Variants in GRIP1 observed in about 807,000 individuals in gnomAD.
GRIP1 encodes glutamate receptor interacting protein 1, also known as glutamate receptor-interacting protein 1.
GRIP1 carries 45 observed loss-of-function variants against 129.9 expected under a neutral mutation model. The ratio of observed to expected loss-of-function variants is 0.35; its 90% CI spans 0.27 to 0.44. The LOEUF (loss-of-function observed/expected upper bound fraction) is 0.44. Among genes scored for constraint, GRIP1 ranks in the 20% least tolerant of loss-of-function variants. The pLI, the probability that GRIP1 is intolerant of heterozygous loss-of-function variation, is 1.00. For missense variants in GRIP1, 1,196 were observed against 1,396.8 expected, an observed-to-expected ratio of 0.86 and a Z score of 2.29; for synonymous variants, 530 against 520.8, an observed-to-expected ratio of 1.02 and a Z score of -0.24.
intron 1 of GRIP1, among the ~76,000 whole-genome samples, chr12:66,714,668 G>A (rs543560940): frequency 6.6e-6 from 1 of 152,020 alleles, no homozygotes; most frequent in East Asian, 1.9e-4. Flanking sequence ...TCTTCAGTAT[G>A]CTACAAGAAA....
intron 1 of GRIP1, among the ~76,000 whole-genome samples, chr12:66,949,717 C>T (rs1489904422): frequency 6.8e-6 from 1 of 147,684 alleles, no homozygotes; most frequent in Non-Finnish European, 1.5e-5. Flanking sequence ...CAAAAGTTGA[C>T]TATAAATCTA....
intron 1 of GRIP1, among the ~76,000 whole-genome samples, chr12:66,980,056 T>G (rs1244485375): frequency 2.0e-5 from 3 of 152,174 alleles, no homozygotes; most frequent in African/African-American, 7.2e-5. Context: ...GTGAGGCTTC[T>G]GCAGCACCCC....
intron 1 of GRIP1, among the ~76,000 whole-genome samples, chr12:66,754,664 C>T (rs995323802): frequency 1.3e-5 from 2 of 152,150 alleles, no homozygotes; most frequent in Non-Finnish European, 2.9e-5. Context: ...AGAGCTGATA[C>T]CATTATTCCA....
At chr12:66,749,017 C>A (rs1002324066) in intron 1 of GRIP1, among the ~76,000 whole-genome samples, 1 of 152,148 alleles carries the variant, frequency 6.6e-6, no homozygotes, top group African/African-American at 2.4e-5. Context: ...ACTTAATAAA[C>A]ATTTGTTGAG....
At chr12:66,898,117 G>A (rs1249375822) in intron 1 of GRIP1, among the ~76,000 whole-genome samples, 1 of 152,128 alleles carries the variant, frequency 6.6e-6, no homozygotes, top group Non-Finnish European at 1.5e-5. Context: ...CAAAGTGGAG[G>A]AATTTTTAAG....
At chr12:66,869,528 A>G (rs1750220787) in intron 1 of GRIP1, among the ~76,000 whole-genome samples, 1 of 152,172 alleles carries the variant, frequency 6.6e-6, no homozygotes, top group African/African-American at 2.4e-5. Context: ...AACATGTTTA[A>G]CATGTAAATA....
At chr12:66,473,216 T>C (rs2059492734) in intron 7 of GRIP1, among the ~76,000 whole-genome samples, 1 of 152,108 alleles carries the variant, frequency 6.6e-6, no homozygotes, top group Non-Finnish European at 1.5e-5. Context: ...ACTGGGAGGT[T>C]TGAACTGGGC....
rs577537994 is a variant in GRIP1, at chr12:66,446,437, C to T, written c.1355-929G>A. 2.0e-3 allele frequency among the ~76,000 whole-genome samples: 297 copies of T among 152,188 alleles called. 1 individual carries two copies. The highest frequency in any genetic ancestry group is 3.4e-3 in the Middle Eastern group (1 of 294). Reference sequence around the variant, plus strand: ...CCCCTTTAACTAAAACCTGATAACACCATATACCTCATAACCCTCTTCAAA... The same window carrying T: ...CCCCTTTAACTAAAACCTGATAACATCATATACCTCATAACCCTCTTCAAA... On this transcript the variant is annotated intron_variant, in intron 11 of 24. Coordinates refer to ENST00000359742, the MANE Select transcript of GRIP1 (RefSeq NM_001366722.1).
At chr12:66,605,955 T>C (rs956278151) in intron 1 of GRIP1, among the ~76,000 whole-genome samples, 4 of 152,148 alleles carry the variant, frequency 2.6e-5, no homozygotes, top group African/African-American at 9.7e-5. Flanking sequence ...TTGAGTAACA[T>C]TTTGGAGCTA....
intron 1 of GRIP1, among the ~76,000 whole-genome samples, chr12:66,795,800 A>C (rs372511621): frequency 6.6e-6 from 1 of 152,186 alleles, no homozygotes; most frequent in Non-Finnish European, 1.5e-5. Flanking sequence ...TTTCTTTGAC[A>C]TATAATCTTT....
intron 7 of GRIP1, among the ~76,000 whole-genome samples, chr12:66,478,719 G>A (rs868215536): frequency 2.1e-4 from 32 of 152,160 alleles, no homozygotes; most frequent in African/African-American, 6.7e-4. Context: ...ATGAGTTCAT[G>A]TCCTTTGTAG....
chr12:66,989,983 G>C (rs2042370144), intron 1 of GRIP1, among the ~76,000 whole-genome samples: 1 of 152,150 alleles, frequency 6.6e-6, no homozygotes. Context: ...AGATTTCACA[G>C]AATTAAAATA....
chr12:66,846,528 A>G (rs2039818360), intron 1 of GRIP1, among the ~76,000 whole-genome samples: 1 of 152,156 alleles, frequency 6.6e-6, no homozygotes, highest in Admixed American at 6.5e-5. Flanking sequence ...CTTTACGATT[A>G]TTTAGGTATG....
At chr12:66,394,754 CAG>C (rs2056726388) in intron 16 of GRIP1, among the ~76,000 whole-genome samples, 1 of 152,182 alleles carries the variant, frequency 6.6e-6, no homozygotes, top group South Asian at 2.1e-4. Flanking sequence ...ACAAAGAAGA[CAG>C]ACATTGGGTC....
chr12:66,720,461 T>C (rs1225816468), intron 1 of GRIP1, among the ~76,000 whole-genome samples: 4 of 152,080 alleles, frequency 2.6e-5, no homozygotes, highest in Non-Finnish European at 5.9e-5. Context: ...GCTGCGTCAA[T>C]TGATTCTTCC....
chr12:66,712,519 T>A (rs890557863), intron 1 of GRIP1, among the ~76,000 whole-genome samples: 3 of 151,726 alleles, frequency 2.0e-5, no homozygotes, highest in Admixed American at 6.6e-5. Flanking sequence ...TTAGTGAATC[T>A]CACACACACA....
At chr12:66,710,706 T>C (rs1480879728) in intron 1 of GRIP1, among the ~76,000 whole-genome samples, 2 of 151,926 alleles carry the variant, frequency 1.3e-5, no homozygotes, top group Non-Finnish European at 2.9e-5. Flanking sequence ...CAAAGAATCT[T>C]AACATAAATA....
intron 1 of GRIP1, among the ~76,000 whole-genome samples, chr12:67,045,341 T>A (rs1732215489): frequency 6.6e-6 from 1 of 151,722 alleles, no homozygotes. Flanking sequence ...TTTTGCTGAG[T>A]TTTAAGAAAG....
chr12:66,879,465 G>A (rs1339887191), intron 1 of GRIP1, among the ~76,000 whole-genome samples: 1 of 152,006 alleles, frequency 6.6e-6, no homozygotes, highest in African/African-American at 2.4e-5. Flanking sequence ...TACGTAATTT[G>A]GACAAGGCCA....
Sources: gnomAD v4.1 joint callset for allele counts (sites outside exome capture counted in the v4.1 genomes callset) on GRCh38, gnomAD v4.1.1 for gene constraint, MANE v1.5 for transcripts, NCBI Gene and HGNC (gene_info 2026-07-23, HGNC 2026-07-21) for gene names.